Variants in NRG1 observed in about 807,000 individuals in gnomAD.
The protein encoded by NRG1 is neuregulin 1.
Under a neutral mutation model 63.8 loss-of-function variants are expected in NRG1, and 18 were observed. The ratio of observed to expected loss-of-function variants is 0.28; its 90% CI spans 0.19 to 0.42. NRG1 has a LOEUF of 0.42. Ranked by LOEUF, NRG1 falls within the 10% of genes least tolerant of loss-of-function variation. NRG1 has a pLI of 1.00. For synonymous variants in NRG1, 302 were observed against 301.3 expected (o/e 1.00, Z -0.02); for missense variants, 762 against 814.7 (o/e 0.94, Z 0.79).
chr8:32,290,524 T>C (rs1854066288), intron 1 of NRG1, among the ~76,000 whole-genome samples: 1 of 152,158 alleles, frequency 6.6e-6, no homozygotes, highest in Admixed American at 6.6e-5. Context: ...CGAGATTTTT[T>C]TGAGGCTCAG....
At chr8:32,032,341 G>A (rs541910509) in intron 1 of NRG1, among the ~76,000 whole-genome samples, 59 of 151,942 alleles carry the variant, frequency 3.9e-4, no homozygotes, top group African/African-American at 1.2e-3. Context: ...TTAGCTCACC[G>A]CAATCTCCAC....
intron 1 of NRG1, among the ~76,000 whole-genome samples, chr8:32,138,013 GTAGACAA>G (rs1835769670): frequency 6.6e-6 from 1 of 152,132 alleles, no homozygotes; most frequent in South Asian, 2.1e-4. Flanking sequence ...GCGTCTTGGA[GTAGACAA>G]TAGAGGATTT....
intron 5 of NRG1, among the ~76,000 whole-genome samples, chr8:32,673,591 A>T (rs1806266886): frequency 1.3e-5 from 2 of 152,218 alleles, no homozygotes; most frequent in Admixed American, 1.3e-4. Flanking sequence ...TGGAAAATGG[A>T]TTAAAAAAAC....
chr8:31,782,163 C>T (rs1819749105), intron 1 of NRG1, among the ~76,000 whole-genome samples: 1 of 152,186 alleles, frequency 6.6e-6, no homozygotes. Flanking sequence ...CTTGCTCTCC[C>T]ATTCTAGGGA....
At chr8:32,738,297 CTG>C (rs1340707971) in intron 6 of NRG1, among the ~76,000 whole-genome samples, 1 of 151,880 alleles carries the variant, frequency 6.6e-6, no homozygotes, top group Admixed American at 6.6e-5. Flanking sequence ...TCAGAAAAAA[CTG>C]TGAATTTTCA....
At position 32,645,906 on chromosome 8, in the gene NRG1, G is replaced by A. The variant is rs565644014; in HGVS notation, c.502+29021G>A. 2.2e-4 allele frequency among the ~76,000 whole-genome samples: 33 copies of A among 152,218 alleles called. No homozygotes were observed. In the South Asian group the frequency reaches 5.0e-3, roughly 23 times the overall value. ...TTGTTTTAAAAGAAAAAAACAGTCA[G>A]CATTGAAACTACTGAAAGGTAAAGC... On this transcript the variant is annotated intron_variant, in intron 5 of 11. Transcript: ENST00000356819.
chr8:32,555,525 G>A (rs1194982331), intron 1 of NRG1, among the ~76,000 whole-genome samples: 5 of 152,178 alleles, frequency 3.3e-5, no homozygotes, highest in African/African-American at 4.8e-5. Context: ...AGGCTGGAGT[G>A]CAGTGGTGCC....
intron 1 of NRG1, chr8:32,030,344 G>A (rs1411109498): frequency 1.3e-5 from 2 of 152,220 alleles, no homozygotes; most frequent in Admixed American, 1.3e-4. Context: ...AATGCCATCA[G>A]TATAGGAATA....
intron 1 of NRG1, among the ~76,000 whole-genome samples, chr8:32,090,363 C>T (rs766377251): frequency 3.9e-5 from 6 of 152,016 alleles, no homozygotes; most frequent in Non-Finnish European, 8.8e-5. Flanking sequence ...GAAAAGAGTC[C>T]GGGTTGAAGT....
chr8:32,698,938 A>T (rs1814098401), intron 5 of NRG1, among the ~76,000 whole-genome samples: 1 of 152,234 alleles, frequency 6.6e-6, no homozygotes, highest in Admixed American at 6.5e-5. Flanking sequence ...GACTAAGGGA[A>T]TGTATTCCTT....
At chr8:32,539,422 G>C (rs919496953) in intron 1 of NRG1, among the ~76,000 whole-genome samples, 1 of 152,176 alleles carries the variant, frequency 6.6e-6, no homozygotes, top group Admixed American at 6.5e-5. Flanking sequence ...TGAGAATAAA[G>C]GCTGCTTCAG....
chr8:32,494,905 T>C (rs1044649628), intron 1 of NRG1, among the ~76,000 whole-genome samples: 1 of 152,216 alleles, frequency 6.6e-6, no homozygotes, highest in Non-Finnish European at 1.5e-5. Context: ...ATGTGTAATT[T>C]GGGTCCTGTA....
At chr8:32,364,042 C>T (rs1807602390) in intron 1 of NRG1, among the ~76,000 whole-genome samples, 1 of 145,636 alleles carries the variant, frequency 6.9e-6, no homozygotes, top group Admixed American at 6.9e-5. Flanking sequence ...GCCAATAACA[C>T]ACTATTAACA....
chr8:32,307,151 T>C (rs1856281281), intron 1 of NRG1, among the ~76,000 whole-genome samples: 1 of 152,158 alleles, frequency 6.6e-6, no homozygotes, highest in African/African-American at 2.4e-5. Flanking sequence ...TGATAAATCA[T>C]GGCAAAAGGA....
chr8:31,694,625 A>T (rs1363072837), intron 1 of NRG1, among the ~76,000 whole-genome samples: 1 of 152,170 alleles, frequency 6.6e-6, no homozygotes, highest in Admixed American at 6.5e-5. Context: ...ATAGAAGGCT[A>T]TGTAGGCTTT....
chr8:32,093,209 G>A (rs1007044266), intron 1 of NRG1, among the ~76,000 whole-genome samples: 1 of 152,212 alleles, frequency 6.6e-6, no homozygotes, highest in African/African-American at 2.4e-5. Flanking sequence ...GACATGTGCT[G>A]TGTTGACTCA....
chr8:32,466,371 C>CAAAAA (rs35722571), intron 1 of NRG1, among the ~76,000 whole-genome samples: 2,695 of 125,012 alleles, frequency 0.022, 98 homozygotes, highest in Admixed American at 0.091. Context: ...ACCTTGACAT[C>CAAAAA]AAAAAAAAAA....
chr8:31,802,513 A>G (rs1821889791), intron 1 of NRG1, among the ~76,000 whole-genome samples: 1 of 152,154 alleles, frequency 6.6e-6, no homozygotes, highest in Non-Finnish European at 1.5e-5. Context: ...AAGGCACAGA[A>G]AAATGGTTGA....
At position 32,666,458 on chromosome 8, in the gene NRG1, A is replaced by G. The variant is rs143470657; in HGVS notation, c.502+49573A>G. On this transcript the variant is annotated intron_variant, in intron 5 of 11. Transcript: ENST00000356819. ...TTTTGCCTTTCATTTTCAAACTTGC[A>G]AATAGAAGCAGCATTTTAATATTTT... is the stretch of plus-strand genomic sequence containing the variant. Among the ~76,000 whole-genome samples, 516 of 152,270 alleles carry G rather than the reference A, an allele frequency of 3.4e-3. 5 individuals are homozygous for G. Among genetic ancestry groups the G allele is most frequent in the African/African-American group, 0.012 (487 of 41,554 alleles).
Sources: gnomAD v4.1 joint callset for allele counts (sites outside exome capture counted in the v4.1 genomes callset) on GRCh38, gnomAD v4.1.1 for gene constraint, MANE v1.5 for transcripts, NCBI Gene and HGNC (gene_info 2026-07-23, HGNC 2026-07-21) for gene names.